Variants in SEC14L1 observed in about 807,000 individuals in gnomAD.
SEC14L1 encodes the protein SEC14 like lipid binding 1.
A neutral mutation model predicts 85.3 loss-of-function variants in SEC14L1; 48 were observed. The observed-to-expected ratio is 0.56, with a 90% CI of 0.45 to 0.72. The LOEUF (loss-of-function observed/expected upper bound fraction) is 0.72. Among genes scored for constraint, SEC14L1 ranks in the 30% least tolerant of loss-of-function variants. The pLI is 0.00. For synonymous variants in SEC14L1, 391 were observed against 355.5 expected, an observed-to-expected ratio of 1.10 and a Z score of -1.12; for missense variants, 682 against 921.4, an observed-to-expected ratio of 0.74 and a Z score of 3.36.
At chr17:77,103,949 T>A (rs1376616548) in intron 3 of SEC14L1, among the ~76,000 whole-genome samples, 1 of 151,356 alleles carries the variant, frequency 6.6e-6, no homozygotes, top group Admixed American at 6.6e-5. Context: ...CCCTGCCACC[T>A]GGCACGCCCT....
Position 77,213,750 on chromosome 17 carries a change from G to C in SEC14L1, c.2043-168G>C. 1 of 945,826 alleles carries C rather than the reference G, an allele frequency of 1.1e-6. No individual in the cohort carries two copies. Among genetic ancestry groups the C allele is most frequent in the Non-Finnish European group, 1.7e-6 (1 of 604,386 alleles). The allele number at this position is 945,826 out of a possible 1,614,324, so 58.6% of individuals were successfully genotyped here. On this transcript the variant is annotated intron_variant, in intron 16 of 16. Transcript: ENST00000436233. This position sits in a 1 kb window ranked among gnomAD's most constrained non-coding sequence, Gnocchi z 7.1. ...GCCGTCTGCGTGCAGGCTGTGGGAA[G>C]CCGGTCCCCCTGGTGGGTTACTCAT...
chr17:77,163,573 G>A (rs1974159755), intron 3 of SEC14L1, among the ~76,000 whole-genome samples: 1 of 152,048 alleles, frequency 6.6e-6, no homozygotes, highest in Non-Finnish European at 1.5e-5. Flanking sequence ...GAATTTTTAA[G>A]TTCATTCAGA....
chr17:77,103,922 G>A (rs1215153369), intron 3 of SEC14L1, among the ~76,000 whole-genome samples: 1 of 151,172 alleles, frequency 6.6e-6, no homozygotes, highest in African/African-American at 2.4e-5. Context: ...CTGCTCCAGA[G>A]CCTGTGCACT....
intron 3 of SEC14L1, among the ~76,000 whole-genome samples, chr17:77,103,776 G>T (rs984916151): frequency 1.3e-5 from 2 of 148,908 alleles, no homozygotes; most frequent in African/African-American, 2.5e-5. Context: ...CTCCTCCTAC[G>T]CCTGGATTTG....
rs559669796 is a variant in SEC14L1 at position 77,213,211 on chromosome 17, A to G, written c.1864-103A>G. On this transcript the variant is annotated intron_variant, in intron 15 of 16. Transcript: ENST00000436233. This position sits in a 1 kb window ranked among gnomAD's most constrained non-coding sequence, Gnocchi z 7.1. ...TCCCATTGAGATAGTTTCCGTAGCT[A>G]CATGAAATCCTAAAGACAGTCCCCT... The G allele has an allele frequency of 3.0e-5, 29 of 972,444 alleles. No individual in the cohort carries two copies. Among genetic ancestry groups the G allele is most frequent in the Non-Finnish European group, 4.2e-5 (28 of 668,586 alleles). The allele number at this position is 972,444 out of a possible 1,614,324, so 60.2% of individuals were successfully genotyped here.
chr17:77,149,360 G>A (rs1973455864), intron 3 of SEC14L1, among the ~76,000 whole-genome samples: 1 of 152,160 alleles, frequency 6.6e-6, no homozygotes, highest in African/African-American at 2.4e-5. Flanking sequence ...GAACTGTGAG[G>A]ATGAGGACTT....
intron 9 of SEC14L1, 79 bp from the exon 10 acceptor site, chr17:77,203,491 C>T: frequency 7.2e-6 from 9 of 1,241,908 alleles, no homozygotes; most frequent in Non-Finnish European, 1.0e-5. Context: ...AACACATATT[C>T]CTGTTAAGGG....
intron 10 of SEC14L1, among the ~76,000 whole-genome samples, chr17:77,204,522 C>CATTTT (rs1555628453): frequency 3.5e-5 from 3 of 84,728 alleles, no homozygotes; most frequent in Admixed American, 1.4e-4. Context: ...GCCCAGCCAG[C>CATTTT]TTTTTTTTTT....
At position 77,209,344 on chromosome 17, in the gene SEC14L1, C is replaced by T. The variant is rs554567260; in HGVS notation, c.1479C>T (p.Cys493=). 21 of 1,613,890 alleles carry T rather than the reference C, an allele frequency of 1.3e-5. No homozygotes were observed. The highest frequency in any genetic ancestry group is 2.2e-5 in the South Asian group (2 of 91,050). ...CACTGCTGTGTTTCTTCTTCCAGTG[C>T]GAAGTGCCAGAGGGTGGACTGGTCC... The part of the protein sequence containing the change: ...IPDFLSGECM[C]EVPEGGLVPK... Residue 493 remains cysteine (C), a splice_region_variant and synonymous_variant, in exon 14 of 17, where the codon TGC becomes TGT. Transcript: ENST00000436233.
At chr17:77,099,782 C>T (rs1261918835) in intron 3 of SEC14L1, among the ~76,000 whole-genome samples, 2 of 152,080 alleles carry the variant, frequency 1.3e-5, no homozygotes, top group Non-Finnish European at 2.9e-5. Context: ...TCCTAAGGTA[C>T]GTGAGTCTCC....
At chr17:77,205,057 G>A in intron 10 of SEC14L1, 4 of 511,694 alleles carry the variant, frequency 7.8e-6, no homozygotes, top group East Asian at 3.5e-5. Context: ...CGTTACCTTT[G>A]CCACACATGA....
chr17:77,129,370 G>T (rs2143439471), intron 3 of SEC14L1, among the ~76,000 whole-genome samples: 1 of 152,194 alleles, frequency 6.6e-6, no homozygotes, highest in East Asian at 1.9e-4. Context: ...CAGACCCACA[G>T]GTCCTGCCAA....
chr17:77,200,125 C>T (rs1031762099), intron 8 of SEC14L1, among the ~76,000 whole-genome samples: 14 of 152,196 alleles, frequency 9.2e-5, no homozygotes, highest in African/African-American at 3.1e-4. Flanking sequence ...GAGATCATGC[C>T]ACAACACTCC....
In SEC14L1 at chr17:77,214,271, C is replaced by G. The variant is rs1022121713; in HGVS notation, c.*248C>G. ...TTGTGCACAAAATCCAACCAGAGCGCAAGGGCTCTCTTGAAAGAAAAGTAG... is the reference window on the plus strand; with the variant it reads ...TTGTGCACAAAATCCAACCAGAGCGGAAGGGCTCTCTTGAAAGAAAAGTAG... On this transcript the variant is annotated 3_prime_UTR_variant, in exon 17 of 17. Coordinates refer to ENST00000436233, the MANE Select transcript of SEC14L1 (RefSeq NM_001143998.2). 6 of 1,299,676 alleles carry G rather than the reference C, an allele frequency of 4.6e-6. No individual in the cohort carries two copies. The highest frequency in any genetic ancestry group is 5.9e-6 in the Non-Finnish European group (6 of 1,024,218). 80.5% of individuals were successfully genotyped at this position (1,299,676 alleles called of 1,614,324 possible). A position where few individuals can be genotyped will look rare whatever the true frequency, so the allele number is the denominator to read the frequency against.
intron 3 of SEC14L1, among the ~76,000 whole-genome samples, chr17:77,135,787 C>T (rs2044184372): frequency 6.6e-6 from 1 of 152,124 alleles, no homozygotes; most frequent in South Asian, 2.1e-4. Context: ...GCAATCCTTC[C>T]AACTTGGCTT....
intron 2 of SEC14L1, among the ~76,000 whole-genome samples, chr17:77,092,503 T>C (rs1057417740): frequency 2.6e-5 from 4 of 151,996 alleles, no homozygotes; most frequent in Non-Finnish European, 5.9e-5. Context: ...TACTGAGTAA[T>C]ATGTGGCTGG....
intron 3 of SEC14L1, among the ~76,000 whole-genome samples, chr17:77,128,497 C>T (rs1428292832): frequency 2.1e-5 from 3 of 141,080 alleles, no homozygotes; most frequent in African/African-American, 5.2e-5. Flanking sequence ...CTCGTTCTGT[C>T]GCCCAGTCTG....
At chr17:77,111,560 G>A (rs1465085716) in intron 3 of SEC14L1, among the ~76,000 whole-genome samples, 1 of 152,132 alleles carries the variant, frequency 6.6e-6, no homozygotes, top group Non-Finnish European at 1.5e-5. Context: ...GGCCATGGGA[G>A]CCCACCTCTT....
intron 3 of SEC14L1, among the ~76,000 whole-genome samples, chr17:77,170,991 T>C (rs1974500507): frequency 6.6e-6 from 1 of 152,232 alleles, no homozygotes; most frequent in Non-Finnish European, 1.5e-5. Context: ...TGATCTACTA[T>C]TATTAATAAA....
Sources: gnomAD v4.1 joint callset for allele counts (sites outside exome capture counted in the v4.1 genomes callset) on GRCh38, gnomAD v4.1.1 for gene constraint, Gnocchi (gnomAD v3.1) non-coding constraint, MANE v1.5 for transcripts, NCBI Gene and HGNC (gene_info 2026-07-23, HGNC 2026-07-21) for gene names.